CAMTA1: variants seen among roughly 807,000 people sequenced by gnomAD.
CAMTA1 encodes calmodulin binding transcription activator 1.
A neutral mutation model predicts 170.9 loss-of-function variants in CAMTA1; 27 were observed. That is an observed-to-expected ratio of 0.16 (90% CI 0.12 to 0.22). The LOEUF (loss-of-function observed/expected upper bound fraction) is 0.22, where lower values mean the gene tolerates loss of function less well. Ranked by LOEUF, CAMTA1 falls within the 10% of genes least tolerant of loss-of-function variation. CAMTA1 has a pLI of 1.00. For synonymous variants in CAMTA1, 833 were observed against 891.5 expected (o/e 0.93, Z 1.17); for missense variants, 1,619 against 2,217.2 (o/e 0.73, Z 5.42).
chr1:6,943,037 T>C (rs768964466), intron 3 of CAMTA1, among the ~76,000 whole-genome samples: 13 of 152,094 alleles, frequency 8.5e-5, no homozygotes, highest in Non-Finnish European at 1.8e-4. Flanking sequence ...CTGGGCAACG[T>C]GCTGACCACT....
rs541144592 is a variant in CAMTA1 at position 7,588,531 on chromosome 1, C to T, written c.511-51869C>T. 6.6e-6 allele frequency among the ~76,000 whole-genome samples: 1 copy of T among 152,348 alleles called. No homozygotes were observed. Among genetic ancestry groups the T allele is most frequent in the East Asian group, 1.9e-4 (1 of 5,174 alleles). ...CTGAAGAGCTTGGTGTGCCCAAGGC[C>T]ACGAAGTGGAGCCCAGGTCTTGCAG... On this transcript the variant is annotated intron_variant, in intron 6 of 22. Coordinates refer to ENST00000303635, the MANE Select transcript of CAMTA1 (RefSeq NM_015215.4). This position sits in a 1 kb window ranked among gnomAD's most constrained non-coding sequence, Gnocchi z 5.8.
chr1:7,766,620 C>A lies in CAMTA1; in HGVS notation c.*129C>A. ...ACACACACACACGTACACACACATA[C>A]AAAATCCCTCTGCAGTTTTGGGGAG... is the stretch of plus-strand genomic sequence containing the variant. On this transcript the variant is annotated 3_prime_UTR_variant, in exon 23 of 23. Transcript: ENST00000303635. 1.3e-6 allele frequency: 1 copy of A among 768,120 alleles called. No homozygotes were observed. The highest frequency in any genetic ancestry group is 2.2e-6 in the Non-Finnish European group (1 of 455,346). 47.6% of individuals were successfully genotyped at this position (768,120 alleles called of 1,614,324 possible). A position where few individuals can be genotyped will look rare whatever the true frequency, so the allele number is the denominator to read the frequency against.
intron 6 of CAMTA1, among the ~76,000 whole-genome samples, chr1:7,568,155 C>CACTATCACCATCATCATCG (rs1557930503): frequency 2.4e-4 from 37 of 151,312 alleles, no homozygotes; most frequent in African/African-American, 9.0e-4. Context: ...CATCATCATC[C>CACTATCACCATCATCATCG]TTATCATCAC....
intron 4 of CAMTA1, among the ~76,000 whole-genome samples, chr1:7,136,278 T>TCTGGGA (rs1042952304): frequency 1.3e-5 from 2 of 152,380 alleles, no homozygotes; most frequent in Admixed American, 6.5e-5. Context: ...GCAGCATGGC[T>TCTGGGA]GCCCACCCCT....
Position 7,751,268 on chromosome 1 carries a change from C to G in CAMTA1, c.4759C>G (p.Gln1587Glu). 1 of 1,610,864 alleles carries G rather than the reference C, an allele frequency of 6.2e-7. No individual in the cohort carries two copies. The highest frequency in any genetic ancestry group is 1.1e-5 in the South Asian group (1 of 90,680). The change falls in exon 20 of 23, where the codon CAA becomes GAA. Residue 1587 changes from glutamine (Q) to glutamate (E), a missense_variant. By Grantham distance (29) the Gln-to-Glu change is conservative. Coordinates refer to ENST00000303635, the MANE Select transcript of CAMTA1 (RefSeq NM_015215.4). Reference protein sequence around the residue: ...IQSKFRSYYEQKKFQQSRRAA... With the variant: ...IQSKFRSYYEEKKFQQSRRAA... ...GAGCAAATTCCGAAGTTACTATGAA[C>G]AAAAAAAATTCCAGCAGAGCCGACG... is the stretch of plus-strand genomic sequence containing the variant.
chr1:6,879,554 C>T (rs1670861630), intron 3 of CAMTA1, among the ~76,000 whole-genome samples: 1 of 151,818 alleles, frequency 6.6e-6, no homozygotes, highest in Non-Finnish European at 1.5e-5. Context: ...AAGACCTGAA[C>T]ATGTAACCTT....
chr1:7,215,946 T>C (rs183816503), intron 4 of CAMTA1, among the ~76,000 whole-genome samples: 539 of 152,280 alleles, frequency 3.5e-3, no homozygotes, highest in African/African-American at 0.013. Context: ...AAGGAAAAAG[T>C]ATGAAGTATG....
intron 6 of CAMTA1, among the ~76,000 whole-genome samples, chr1:7,555,459 T>C (rs1302522008): frequency 6.6e-6 from 1 of 151,874 alleles, no homozygotes; most frequent in Non-Finnish European, 1.5e-5. Flanking sequence ...TGCTCCTCCT[T>C]CTCCTCTTTC....
At chr1:7,647,508 C>T (rs1316102701) in intron 7 of CAMTA1, among the ~76,000 whole-genome samples, 1 of 152,250 alleles carries the variant, frequency 6.6e-6, no homozygotes, top group East Asian at 1.9e-4. Flanking sequence ...CAGGCGGGGG[C>T]CTGTCCCACC....
At position 7,547,377 on chromosome 1, in the gene CAMTA1, C is replaced by T. The variant is rs1177504501; in HGVS notation, c.510+79476C>T. ...ACACACACACACACACACACACACACACACACACACACAGAGTTGGCCTTC... is the reference window on the plus strand; with the variant it reads ...ACACACACACACACACACACACACATACACACACACACAGAGTTGGCCTTC... On this transcript the variant is annotated intron_variant, in intron 6 of 22. Coordinates refer to ENST00000303635, the MANE Select transcript of CAMTA1 (RefSeq NM_015215.4). The surrounding 1 kb of genome is among the most constrained non-coding windows in gnomAD (Gnocchi z 5.7). Among the ~76,000 whole-genome samples, 1 of 151,504 alleles carries T rather than the reference C, an allele frequency of 6.6e-6. No homozygotes were observed.
At chr1:7,477,407 G>A (rs146288410) in intron 6 of CAMTA1, among the ~76,000 whole-genome samples, 1 of 152,192 alleles carries the variant, frequency 6.6e-6, no homozygotes, top group African/African-American at 2.4e-5. Flanking sequence ...ACGTGACGAG[G>A]AGATAAGGTA....
At chr1:6,851,979 A>G (rs552432893) in intron 3 of CAMTA1, among the ~76,000 whole-genome samples, 1 of 150,016 alleles carries the variant, frequency 6.7e-6, no homozygotes, top group East Asian at 2.0e-4. Flanking sequence ...CCACCAAAGT[A>G]CTCCAGCCTA....
At chr1:7,165,175 A>G (rs1400139407) in intron 4 of CAMTA1, among the ~76,000 whole-genome samples, 1 of 152,210 alleles carries the variant, frequency 6.6e-6, no homozygotes, top group Non-Finnish European at 1.5e-5. Flanking sequence ...TGTTGTCAAC[A>G]TAGAAATGAG....
rs186459002 is a variant in CAMTA1 at position 7,548,358 on chromosome 1, G to T, written c.510+80457G>T. On this transcript the variant is annotated intron_variant, in intron 6 of 22. Transcript: ENST00000303635. ...CTTAAGGAGGAAGATTCCCATGCAG[G>T]GTGCGCCTTAGGAATGGAGGTGCCC... 6.8e-4 allele frequency among the ~76,000 whole-genome samples: 104 copies of T among 152,278 alleles called. 1 individual carries two copies. Among genetic ancestry groups the T allele is most frequent in the African/African-American group, 2.3e-3 (94 of 41,544 alleles).
intron 5 of CAMTA1, among the ~76,000 whole-genome samples, chr1:7,392,542 A>ACGGCACC (rs1225791138): frequency 6.7e-6 from 1 of 149,508 alleles, no homozygotes. Context: ...GGCATGAGCC[A>ACGGCACC]CGGCACCCGG....
chr1:7,491,517 G>A (rs1020770509), intron 6 of CAMTA1, among the ~76,000 whole-genome samples: 12 of 152,200 alleles, frequency 7.9e-5, no homozygotes, highest in African/African-American at 2.9e-4. Flanking sequence ...AGGGCTTGGC[G>A]TGCATTGTTT....
At chr1:6,988,111 G>A (rs764532978) in intron 3 of CAMTA1, among the ~76,000 whole-genome samples, 17 of 152,256 alleles carry the variant, frequency 1.1e-4, no homozygotes, top group African/African-American at 3.4e-4. Flanking sequence ...TTCCGTTTTC[G>A]TGTCAGAGTT....
intron 5 of CAMTA1, among the ~76,000 whole-genome samples, chr1:7,372,655 C>T (rs1426498783): frequency 2.6e-5 from 4 of 152,342 alleles, no homozygotes; most frequent in East Asian, 1.9e-4. Context: ...GATGGAGCCC[C>T]GTGCCAGCGC....
chr1:7,530,812 G>GTTTTTTTT (rs34013817), intron 6 of CAMTA1, among the ~76,000 whole-genome samples: 14 of 100,772 alleles, frequency 1.4e-4, no homozygotes, highest in East Asian at 3.1e-4. Context: ...GTGAGCTCTT[G>GTTTTTTTT]TTTTTTTTTT....
Sources: allele counts gnomAD v4.1 joint callset (sites outside exome capture counted in the v4.1 genomes callset), GRCh38; gene constraint gnomAD v4.1.1; non-coding constraint Gnocchi (gnomAD v3.1); transcripts MANE v1.5; gene names NCBI Gene and HGNC (gene_info 2026-07-23, HGNC 2026-07-21).